Variants in SDK1 observed in about 807,000 individuals in gnomAD.
SDK1 encodes protein sidekick-1.
Under a neutral mutation model 245.5 loss-of-function variants are expected in SDK1, and 157 were observed. The ratio of observed to expected loss-of-function variants is 0.64; its 90% confidence interval spans 0.56 to 0.73. The LOEUF (loss-of-function observed/expected upper bound fraction) is 0.73. Among genes scored for constraint, SDK1 ranks in the 30% least tolerant of loss-of-function variants. The pLI, the probability that SDK1 is intolerant of heterozygous loss-of-function variation, is 0.00. For missense variants in SDK1, 3,583 were observed against 3,002.3 expected (o/e 1.19, Z -4.52); for synonymous variants, 1,647 against 1,278.5 (o/e 1.29, Z -6.15).
chr7:3,313,091 A>G (rs1019570390), intron 1 of SDK1, among the ~76,000 whole-genome samples: 5 of 152,230 alleles, frequency 3.3e-5, no homozygotes, highest in Non-Finnish European at 5.9e-5. Context: ...TTCCATGTCC[A>G]TATAAAGTAT....
Position 4,111,849 on chromosome 7 carries a change from G to A in SDK1, c.3434+1077G>A, listed in dbSNP as rs191600246. Reference sequence around the variant, plus strand: ...AAATTGAATTCAAATAATTGTTTATGTATGTGTAAAGAAGAGACAGAACTG... The same window carrying A: ...AAATTGAATTCAAATAATTGTTTATATATGTGTAAAGAAGAGACAGAACTG... On this transcript the variant is annotated intron_variant, in intron 23 of 44. Coordinates refer to ENST00000404826, the MANE Select transcript of SDK1 (RefSeq NM_152744.4). Among the ~76,000 whole-genome samples, 140 of 152,324 alleles carry A rather than the reference G, an allele frequency of 9.2e-4. 1 individual carries two copies. The highest frequency in any genetic ancestry group is 1.5e-4 in the Non-Finnish European group (10 of 68,036).
chr7:3,310,218 C>G (rs1779517908), intron 1 of SDK1, among the ~76,000 whole-genome samples: 1 of 152,182 alleles, frequency 6.6e-6, no homozygotes, highest in Non-Finnish European at 1.5e-5. Flanking sequence ...TTCAGACCCT[C>G]AAAGATAGAC....
intron 26 of SDK1, among the ~76,000 whole-genome samples, chr7:4,127,797 G>A (rs148693623): frequency 2.0e-5 from 3 of 152,224 alleles, no homozygotes; most frequent in Non-Finnish European, 4.4e-5. Flanking sequence ...TCAGTGCCGC[G>A]GGCCAGTTAC....
At chr7:4,108,347 A>C (rs1403236006) in intron 22 of SDK1, among the ~76,000 whole-genome samples, 5 of 151,918 alleles carry the variant, frequency 3.3e-5, no homozygotes, top group Non-Finnish European at 1.5e-5. Context: ...CTATCCACAT[A>C]ACTCTTGTTT....
chr7:3,952,124 A>C (rs1780884027), intron 7 of SDK1: 2 of 573,838 alleles, frequency 3.5e-6, no homozygotes, highest in African/African-American at 3.8e-5. Flanking sequence ...TGATGTTCTC[A>C]ATCCTTCCAA....
intron 44 of SDK1, among the ~76,000 whole-genome samples, 190 bp downstream of exon 44, chr7:4,245,995 C>T (rs1786830708): frequency 6.6e-6 from 1 of 152,214 alleles, no homozygotes; most frequent in African/African-American, 2.4e-5. Context: ...GCTCTGGGCC[C>T]CGCAGAGCTC....
At chr7:3,468,642 A>G (rs1278918723) in intron 1 of SDK1, among the ~76,000 whole-genome samples, 2 of 140,620 alleles carry the variant, frequency 1.4e-5, no homozygotes, top group Non-Finnish European at 3.0e-5. Flanking sequence ...AGAAGGAAGG[A>G]GTATTGAATA....
At chr7:4,260,640 C>T (rs1005503422) in intron 44 of SDK1, among the ~76,000 whole-genome samples, 5 of 145,548 alleles carry the variant, frequency 3.4e-5, no homozygotes, top group African/African-American at 1.0e-4. Flanking sequence ...CTGGCTGCTC[C>T]GGGGTCTCTG....
intron 14 of SDK1, among the ~76,000 whole-genome samples, chr7:3,990,085 G>A (rs778341755): frequency 1.4e-4 from 22 of 152,360 alleles, no homozygotes; most frequent in African/African-American, 5.3e-4. Context: ...ACACTTGGGC[G>A]TTGGTCTGTG....
In SDK1 at chr7:3,427,846, AGTGTCTCTTAGATG is replaced by A. The variant is rs1344766698; in HGVS notation, c.298+125963_298+125976del. On this transcript the variant is annotated intron_variant, in intron 1 of 44. Coordinates refer to ENST00000404826, the MANE Select transcript of SDK1 (RefSeq NM_152744.4). ...ACATCATTGTCTCTTAGATGTCGTT[AGTGTCTCTTAGATG>A]TCGTTAGTGTCTCTTAGATGTCGTT... Among the ~76,000 whole-genome samples, 532 of 133,672 alleles carry A rather than the reference AGTGTCTCTTAGATG, an allele frequency of 4.0e-3. 3 individuals are homozygous for A. Among genetic ancestry groups the A allele is most frequent in the African/African-American group, 6.0e-3 (189 of 31,356 alleles). The allele number at this position is 133,672 out of a possible 152,430, so 87.7% of individuals were successfully genotyped here.
At chr7:3,914,247 A>T (rs1312811550) in intron 5 of SDK1, among the ~76,000 whole-genome samples, 1 of 152,160 alleles carries the variant, frequency 6.6e-6, no homozygotes, top group Non-Finnish European at 1.5e-5. Flanking sequence ...GTACTTGCCT[A>T]TTTTCATTCC....
At chr7:3,857,545 C>G (rs112969861) in intron 5 of SDK1, among the ~76,000 whole-genome samples, 2,116 of 151,926 alleles carry the variant, frequency 0.014, 56 homozygotes, top group African/African-American at 0.049. Flanking sequence ...AAATTAACCA[C>G]GTGTGGTGGT....
intron 28 of SDK1, among the ~76,000 whole-genome samples, chr7:4,142,982 A>G (rs1034262874): frequency 6.6e-6 from 1 of 152,194 alleles, no homozygotes. Context: ...CCCAGCCCCG[A>G]GGAAGCAGGA....
intron 5 of SDK1, among the ~76,000 whole-genome samples, chr7:3,823,542 G>A (rs953051296): frequency 6.6e-6 from 1 of 152,194 alleles, no homozygotes; most frequent in African/African-American, 2.4e-5. Context: ...CGCTGTACTA[G>A]CGTAATACCA....
At chr7:3,602,477 T>C (rs1282463129) in intron 1 of SDK1, among the ~76,000 whole-genome samples, 1 of 152,234 alleles carries the variant, frequency 6.6e-6, no homozygotes, top group East Asian at 1.9e-4. Flanking sequence ...ATGTCTTCTT[T>C]TGAGACGTGT....
At chr7:3,752,092 C>G (rs1210547474) in intron 4 of SDK1, among the ~76,000 whole-genome samples, 1 of 152,184 alleles carries the variant, frequency 6.6e-6, no homozygotes, top group African/African-American at 2.4e-5. Flanking sequence ...TAAACACTTT[C>G]TAAGTTACTG....
At chr7:3,744,580 G>C (rs545522325) in intron 4 of SDK1, among the ~76,000 whole-genome samples, 1 of 152,174 alleles carries the variant, frequency 6.6e-6, no homozygotes, top group Non-Finnish European at 1.5e-5. Flanking sequence ...GGGAGGCCGA[G>C]ATGGGCAGAT....
intron 1 of SDK1, among the ~76,000 whole-genome samples, chr7:3,375,155 A>C (rs1487128172): frequency 6.6e-6 from 1 of 151,118 alleles, no homozygotes. Context: ...CTCACATGTA[A>C]TAAAGCTAAT....
Position 3,301,665 on chromosome 7 carries a change from C to T in SDK1, c.79C>T (p.Arg27Trp). Reference protein sequence around the residue: ...AEPPERAGPGRPRGSPPGRAR... With the variant: ...AEPPERAGPGWPRGSPPGRAR... ...GCCCCCTGAGCGCGCGGGCCCCGGG[C>T]GGCCGCGGGGATCCCCGCCCGGCCG... Residue 27 changes from arginine (R) to tryptophan (W), a missense_variant, in exon 1 of 45, where the codon CGG becomes TGG. Physicochemically the swap from Arg to Trp is moderately radical, Grantham distance 101 (BLOSUM62 -3). Transcript: ENST00000404826. 1 of 974,478 alleles carries T rather than the reference C, an allele frequency of 1.0e-6. No individual in the cohort carries two copies. Among genetic ancestry groups the T allele is most frequent in the Non-Finnish European group, 1.2e-6 (1 of 824,662 alleles). The allele number at this position is 974,478 out of a possible 1,614,324, so 60.4% of individuals were successfully genotyped here.
Sources: gnomAD v4.1 joint callset for allele counts (sites outside exome capture counted in the v4.1 genomes callset) on GRCh38, gnomAD v4.1.1 for gene constraint, MANE v1.5 for transcripts, NCBI Gene and HGNC (gene_info 2026-07-23, HGNC 2026-07-21) for gene names.